The following VWCE variants were observed in gnomAD, a reference collection of about 807,000 sequenced individuals.
The protein encoded by VWCE is von Willebrand factor C and EGF domains.
In VWCE, 68 loss-of-function variants were observed where a neutral mutation model predicts 102.9. The ratio of observed to expected loss-of-function variants is 0.66; its 90% CI spans 0.54 to 0.81. The LOEUF (loss-of-function observed/expected upper bound fraction) is 0.81, where lower values mean the gene tolerates loss of function less well. Among genes scored for constraint, VWCE ranks in the 30% least tolerant of loss-of-function variants. The pLI, the probability that VWCE is intolerant of heterozygous loss-of-function variation, is 0.00. For synonymous variants in VWCE, 497 were observed against 515.4 expected (o/e 0.96, Z 0.48); for missense variants, 1,137 against 1,263.6 (o/e 0.90, Z 1.52).
At chr11:61,288,845 T>G (rs966738357) in intron 4 of VWCE, among the ~76,000 whole-genome samples, 5 of 151,484 alleles carry the variant, frequency 3.3e-5, no homozygotes, top group African/African-American at 9.7e-5. Flanking sequence ...GCGCGTTTTT[T>G]TTTTTTTTTT....
In VWCE at chr11:61,286,388, A is replaced by C; in HGVS notation, c.467T>G (p.Val156Gly). ...CVTSSCEGHC[V>G]NTEGGFVCEC... ...GCACACAAACCCACCTTCTGTGTTCACACAGTGGCCCTCGCAGGAGGAGGT... is the reference window on the plus strand; with the variant it reads ...GCACACAAACCCACCTTCTGTGTTCCCACAGTGGCCCTCGCAGGAGGAGGT... The change falls in exon 5 of 20, where the codon GTG becomes GGG. Residue 156 changes from valine to glycine, a missense_variant. Around this residue, in one of 5 missense-constraint regions of VWCE, gnomAD observed 575 missense variants for 625.9 expected, o/e 0.92. Coordinates refer to ENST00000335613, the MANE Select transcript of VWCE (RefSeq NM_152718.2). 1 of 1,612,956 alleles carries C rather than the reference A, an allele frequency of 6.2e-7. No individual in the cohort carries two copies. Among genetic ancestry groups the C allele is most frequent in the South Asian group, 1.1e-5 (1 of 91,086 alleles).
chr11:61,286,541 G>T (rs978266198), intron 4 of VWCE, 111 bp from the exon 5 acceptor site: 2 of 982,838 alleles, frequency 2.0e-6, no homozygotes, highest in Non-Finnish European at 3.1e-6. Context: ...GGTGGCTCAC[G>T]CCTGTAATCC....
At chr11:61,271,630 G>A in intron 14 of VWCE, 45 bp downstream of exon 14, 2 of 1,559,940 alleles carry the variant, frequency 1.3e-6, no homozygotes, top group Non-Finnish European at 1.7e-6. Flanking sequence ...GGGTGAGGCG[G>A]GGCAGCCAGG....
In VWCE at chr11:61,258,569, G is replaced by A; in HGVS notation, c.*106C>T. 5.9e-6 allele frequency: 7 copies of A among 1,186,664 alleles called. No individual in the cohort carries two copies. Among genetic ancestry groups the A allele is most frequent in the Non-Finnish European group, 7.6e-6 (7 of 925,780 alleles). 73.5% of individuals were successfully genotyped at this position (1,186,664 alleles called of 1,614,324 possible). A position where few individuals can be genotyped will look rare whatever the true frequency, so the allele number is the denominator to read the frequency against. On this transcript the variant is annotated 3_prime_UTR_variant, in exon 20 of 20. Transcript: ENST00000335613. ...ATCCTCACCAGGGCCCCTGCAGGAG[G>A]GAGCCCAGGCATCCCCACCAGGTTC...
rs1334179581 is a variant in VWCE, at chr11:61,265,210, C to G, written c.1968G>C (p.Leu656=). The change falls in exon 17 of 20, where the codon CTG becomes CTC. Residue 656 remains leucine (L), a splice_region_variant and synonymous_variant. Coordinates refer to ENST00000335613, the MANE Select transcript of VWCE (RefSeq NM_152718.2). ...LDPCLSCICL[L]GSVACSPVDC... Reference sequence around the variant, plus strand: ...CCACGGGGGAACAGGCCACTGAGCCCAGCTGCAGGACACAGAAAACACACA... The same window carrying G: ...CCACGGGGGAACAGGCCACTGAGCCGAGCTGCAGGACACAGAAAACACACA... 2 of 1,478,666 alleles carry G rather than the reference C, an allele frequency of 1.4e-6. No individual in the cohort carries two copies. Among genetic ancestry groups the G allele is most frequent in the South Asian group, 2.8e-5 (2 of 70,878 alleles). 91.6% of individuals were successfully genotyped at this position (1,478,666 alleles called of 1,614,324 possible).
At chr11:61,276,941 G>A (rs1443823892) in intron 10 of VWCE, among the ~76,000 whole-genome samples, 1 of 118,524 alleles carries the variant, frequency 8.4e-6, no homozygotes, top group Non-Finnish European at 1.8e-5. Context: ...GGAGAAGACA[G>A]GGAAGGGGAG....
chr11:61,259,681 G>A (rs1854297923), intron 19 of VWCE, among the ~76,000 whole-genome samples: 1 of 152,142 alleles, frequency 6.6e-6, no homozygotes, highest in African/African-American at 2.4e-5. Flanking sequence ...TGTCAGTGTA[G>A]GATCACCGAT....
At chr11:61,268,692 T>C (rs1033719101) in intron 15 of VWCE, among the ~76,000 whole-genome samples, 6 of 152,236 alleles carry the variant, frequency 3.9e-5, no homozygotes, top group Non-Finnish European at 8.8e-5. Flanking sequence ...CAGGTGCAGC[T>C]CCTGTACCAC....
chr11:61,285,381 G>A (rs1165568388), intron 5 of VWCE, among the ~76,000 whole-genome samples: 2 of 152,196 alleles, frequency 1.3e-5, no homozygotes, highest in Non-Finnish European at 2.9e-5. Context: ...TTAAAAGAAT[G>A]AGTAATAATT....
rs112784681 is a variant in VWCE at position 61,271,155 on chromosome 11, CT to C, written c.1785+519del. On this transcript the variant is annotated intron_variant, in intron 14 of 19. Coordinates refer to ENST00000335613, the MANE Select transcript of VWCE (RefSeq NM_152718.2). ...TCTTGGCCATACACACTTTTTTTTT[CT>C]TTTTTTTTGAGACTCCTTCTTGCTT... 527 of 152,942 alleles carry C rather than the reference CT, an allele frequency of 3.4e-3. 5 individuals are homozygous for C. The highest frequency in any genetic ancestry group is 0.012 in the African/African-American group (499 of 40,242). The allele number at this position is 152,942 out of a possible 1,614,324, so 9.5% of individuals were successfully genotyped here. A position where few individuals can be genotyped will look rare whatever the true frequency, so the allele number is the denominator to read the frequency against.
chr11:61,295,001 C>T lies in VWCE; in HGVS notation c.37G>A (p.Ala13Thr). 1.4e-6 allele frequency: 2 copies of T among 1,472,648 alleles called. No individual in the cohort carries two copies. Among genetic ancestry groups the T allele is most frequent in the Non-Finnish European group, 1.8e-6 (2 of 1,113,230 alleles). 91.2% of individuals were successfully genotyped at this position (1,472,648 alleles called of 1,614,324 possible). A position where few individuals can be genotyped will look rare whatever the true frequency, so the allele number is the denominator to read the frequency against. Residue 13 changes from alanine (A) to threonine (T), a missense_variant, in exon 1 of 20, where the codon GCG (alanine) becomes ACG (threonine). Coordinates refer to ENST00000335613, the MANE Select transcript of VWCE (RefSeq NM_152718.2). This position sits in a 1 kb window ranked among gnomAD's most constrained non-coding sequence, Gnocchi z 4.6. Reference sequence around the variant, plus strand: ...GCTGGTGCCCCCGGCAGCAGGAGCGCGACACAGGCGGCCCGAAGGAGCAGT... The same window carrying T: ...GCTGGTGCCCCCGGCAGCAGGAGCGTGACACAGGCGGCCCGAAGGAGCAGT... ...AGLLLRAACVALLLPGAPARG... is the reference protein window; with the variant it reads ...AGLLLRAACVTLLLPGAPARG...
In VWCE at chr11:61,280,878, C is replaced by T. The variant is rs753089294; in HGVS notation, c.1145G>A (p.Gly382Glu). Residue 382 changes from glycine (G) to glutamate (E), a missense_variant, in exon 8 of 20, where the codon GGG becomes GAG. Coordinates refer to ENST00000335613, the MANE Select transcript of VWCE (RefSeq NM_152718.2). ...TCCCAGGTGCCAGCAGGGAGAGGGC[C>T]CTGCTGCCAGTCGGGGGGACTCAGG... ...RGPESPRLAA[G>E]PSPCWHLGAM... 3.3e-6 allele frequency: 5 copies of T among 1,534,546 alleles called. No individual in the cohort carries two copies. Among genetic ancestry groups the T allele is most frequent in the Non-Finnish European group, 4.4e-6 (5 of 1,142,600 alleles).
At chr11:61,268,840 A>G (rs895926707) in intron 15 of VWCE, 82 bp downstream of exon 15, 41 of 1,391,496 alleles carry the variant, frequency 2.9e-5, no homozygotes, top group Middle Eastern at 1.8e-4. Context: ...GGACGACATG[A>G]GATGAAGGCT....
At position 61,268,870 on chromosome 11, in the gene VWCE, C is replaced by G. The variant is rs537918182; in HGVS notation, c.1882+52G>C. 5.0e-6 allele frequency: 8 copies of G among 1,590,220 alleles called. 1 individual carries two copies. In the South Asian group the frequency reaches 5.5e-5, roughly 11 times the overall value. On this transcript the variant is annotated intron_variant, in intron 15 of 19. Transcript: ENST00000335613. ...AAGGCTGTATAGGGCTTAAGGAGCC[C>G]GATGCCTGAGATGCCCTGCCCTGGG...
chr11:61,282,007 C>G, intron 6 of VWCE, 93 bp from the exon 7 acceptor site: 2 of 1,526,502 alleles, frequency 1.3e-6, no homozygotes, highest in Middle Eastern at 1.8e-4. Flanking sequence ...TGGGGAGTTT[C>G]TCTGCCATGT....
intron 10 of VWCE, among the ~76,000 whole-genome samples, chr11:61,277,134 GAAGA>G (rs1396132993): frequency 7.8e-6 from 1 of 128,612 alleles, no homozygotes; most frequent in Admixed American, 9.1e-5. Context: ...GAGAGAAAGA[GAAGA>G]AAGAAACAAG....
At position 61,280,777 on chromosome 11, in the gene VWCE, G is replaced by T. The variant is rs756354026; in HGVS notation, c.1230+16C>A. ...GGCCCCAGACCAAGGAAGCTCCGGG[G>T]ACCCCTAGTACCCACCTCGCACCAG... On this transcript the variant is annotated intron_variant, in intron 8 of 19. Transcript: ENST00000335613. 1.2e-6 allele frequency: 2 copies of T among 1,610,014 alleles called. No individual in the cohort carries two copies. Among genetic ancestry groups the T allele is most frequent in the African/African-American group, 2.7e-5 (2 of 74,828 alleles).
At position 61,290,817 on chromosome 11, in the gene VWCE, C is replaced by T. The variant is rs764514177; in HGVS notation, c.406G>A (p.Val136Ile). The change falls in exon 4 of 20, where the codon GTT (valine) becomes ATT (isoleucine). Residue 136 changes from valine to isoleucine, a missense_variant. Coordinates refer to ENST00000335613, the MANE Select transcript of VWCE (RefSeq NM_152718.2). ...PVGFSMTETA[V>I]GIRCTDIDEC... ...GTCTCACCTGTACACCTGATGCCAACAGCTGTCTCCGTCATCGAGAAGCCC... is the reference window on the plus strand; with the variant it reads ...GTCTCACCTGTACACCTGATGCCAATAGCTGTCTCCGTCATCGAGAAGCCC... The T allele has an allele frequency of 6.2e-7, 1 of 1,611,878 alleles. No individual in the cohort carries two copies.
chr11:61,272,131 CACAT>C (rs1310701177), intron 13 of VWCE, among the ~76,000 whole-genome samples: 3 of 151,994 alleles, frequency 2.0e-5, no homozygotes, highest in Admixed American at 2.0e-4. Flanking sequence ...CACAGACACA[CACAT>C]ACTCATACAA....
Sources: gnomAD v4.1 joint callset for allele counts (sites outside exome capture counted in the v4.1 genomes callset) on GRCh38, gnomAD v4.1.1 for gene constraint, gnomAD v4.1.1 regional missense constraint, Gnocchi (gnomAD v3.1) non-coding constraint, MANE v1.5 for transcripts, NCBI Gene and HGNC (gene_info 2026-07-23, HGNC 2026-07-21) for gene names.